ICAM1: variants seen among roughly 807,000 people sequenced by gnomAD.
ICAM1 encodes ICAM-1.
Under a neutral mutation model 42.3 loss-of-function variants are expected in ICAM1, and 28 were observed. The observed-to-expected ratio is 0.66, with a 90% CI of 0.49 to 0.91. ICAM1 has a LOEUF of 0.91. Ranked by LOEUF, ICAM1 falls within the 40% of genes least tolerant of loss-of-function variation. The pLI, the probability that ICAM1 is intolerant of heterozygous loss-of-function variation, is 0.00. For missense variants in ICAM1, 637 were observed against 688.6 expected (o/e 0.93, Z 0.84); for synonymous variants, 304 against 305.9 (o/e 0.99, Z 0.07).
chr19:10,285,283 C>G lies in ICAM1; in HGVS notation c.1595C>G (p.Pro532Arg). 1 of 1,613,808 alleles carries G rather than the reference C, an allele frequency of 6.2e-7. No homozygotes were observed. Among genetic ancestry groups the G allele is most frequent in the Non-Finnish European group, 8.5e-7 (1 of 1,179,784 alleles). ...PMKPNTQATPP is the reference protein window; with the variant it reads ...PMKPNTQATPR ...AAACCGAACACACAAGCCACGCCTC[C>G]CTGAACCTATCCCGGGACAGGGCCT... Residue 532 changes from proline (P) to arginine (R), a missense_variant, in exon 7 of 7, where the codon CCC (proline) becomes CGC (arginine). Coordinates refer to ENST00000264832, the MANE Select transcript of ICAM1 (RefSeq NM_000201.3).
rs2040096678 is a variant in ICAM1 at position 10,285,367 on chromosome 19, T to A, written c.*80T>A. ...GCCACACTGAACAGAGTGGAAGACA[T>A]ATGCCATGCAGCTACACCTACCGGC... On this transcript the variant is annotated 3_prime_UTR_variant, in exon 7 of 7. Transcript: ENST00000264832. The A allele has an allele frequency of 7.2e-7, 1 of 1,387,294 alleles. No homozygotes were observed. 85.9% of individuals were successfully genotyped at this position (1,387,294 alleles called of 1,614,324 possible).
At chr19:10,278,548 C>CTTGTTTTTTTTT (rs2040032361) in intron 2 of ICAM1, among the ~76,000 whole-genome samples, 1 of 41,746 alleles carries the variant, frequency 2.4e-5, no homozygotes. Context: ...CCTGATAGGT[C>CTTGTTTTTTTTT]TTTTTTTTTT....
intron 3 of ICAM1, 83 bp from the exon 4 acceptor site, chr19:10,283,950 T>C: frequency 6.6e-7 from 1 of 1,518,992 alleles, no homozygotes. Flanking sequence ...GAAGAGGATC[T>C]CGCAGGAGGG....
chr19:10,274,643 C>T, intron 1 of ICAM1, 122 bp from the exon 2 acceptor site: 1 of 1,140,138 alleles, frequency 8.8e-7, no homozygotes, highest in Non-Finnish European at 1.2e-6. Context: ...TTAACTTCCA[C>T]ATCGAAGGCA....
chr19:10,276,544 C>CAAAAA (rs71162059), intron 2 of ICAM1, among the ~76,000 whole-genome samples: 16 of 72,812 alleles, frequency 2.2e-4, no homozygotes, highest in East Asian at 5.7e-4. Context: ...GACTCCATCT[C>CAAAAA]AAAAAAAAAA....
At chr19:10,277,719 CT>C (rs2040027581) in intron 2 of ICAM1, among the ~76,000 whole-genome samples, 1 of 152,074 alleles carries the variant, frequency 6.6e-6, no homozygotes, top group African/African-American at 2.4e-5. Context: ...ATCTCCTGAC[CT>C]TGTGATCTGC....
chr19:10,272,934 C>T (rs1172220537), intron 1 of ICAM1, among the ~76,000 whole-genome samples: 1 of 152,098 alleles, frequency 6.6e-6, no homozygotes. Context: ...TACTCACCCA[C>T]CTTACAGATG....
chr19:10,284,319 C>T lies in ICAM1; in HGVS notation c.924C>T (p.Tyr308=). 5.6e-6 allele frequency: 9 copies of T among 1,613,254 alleles called. No individual in the cohort carries two copies. Among genetic ancestry groups the T allele is most frequent in the African/African-American group, 2.7e-5 (2 of 75,032 alleles). The change falls in exon 4 of 7, where the codon TAC becomes TAT. Residue 308 remains tyrosine, a splice_region_variant and synonymous_variant. Coordinates refer to ENST00000264832, the MANE Select transcript of ICAM1 (RefSeq NM_000201.3). The surrounding 1 kb of genome is among the most constrained non-coding windows in gnomAD (Gnocchi z 5.4). ...AGACACTGCAGACAGTGACCATCTA[C>T]AGTAAGAAGGGGCAGGGGCGGAGTG... ...SQETLQTVTI[Y]SFPAPNVILT...
intron 3 of ICAM1, 83 bp downstream of exon 3, chr19:10,283,869 G>A (rs1023043439): frequency 7.5e-6 from 11 of 1,466,938 alleles, no homozygotes; most frequent in Non-Finnish European, 1.0e-5. Context: ...GATCTTTTGA[G>A]ATGGGTGTGG....
chr19:10,274,858 A>G lies in ICAM1; in HGVS notation c.161A>G (p.Gln54Arg), dbSNP rs200970471. Residue 54 changes from glutamine to arginine, a missense_variant, in exon 2 of 7, where the codon CAG (glutamine) becomes CGG (arginine). By Grantham distance (43) the Gln-to-Arg change is conservative. Transcript: ENST00000264832. ...VLVTCSTSCDQPKLLGIETPL... is the reference protein window; with the variant it reads ...VLVTCSTSCDRPKLLGIETPL... ...GTGACATGCAGCACCTCCTGTGACC[A>G]GCCCAAGTTGTTGGGCATAGAGACC... 29 of 1,614,234 alleles carry G rather than the reference A, an allele frequency of 1.8e-5. No individual in the cohort carries two copies. Among genetic ancestry groups the G allele is most frequent in the Non-Finnish European group, 3.4e-6 (4 of 1,180,042 alleles).
rs1287700965 is a variant in ICAM1, at chr19:10,284,337, G to A, written c.925+17G>A. On this transcript the variant is annotated intron_variant, in intron 4 of 6. Transcript: ENST00000264832. This position sits in a 1 kb window ranked among gnomAD's most constrained non-coding sequence, Gnocchi z 5.4. The stretch of plus-strand genomic sequence containing the variant: ...CCATCTACAGTAAGAAGGGGCAGGG[G>A]CGGAGTGGGGCTTCTTGGGGGTGTG... The A allele has an allele frequency of 3.1e-6, 5 of 1,612,190 alleles. No individual in the cohort carries two copies. Among genetic ancestry groups the A allele is most frequent in the Non-Finnish European group, 4.2e-6 (5 of 1,179,574 alleles).
intron 3 of ICAM1, 110 bp downstream of exon 3, chr19:10,283,896 C>A: frequency 7.0e-7 from 1 of 1,432,306 alleles, no homozygotes; most frequent in Non-Finnish European, 9.5e-7. Flanking sequence ...CTAAGGGGTG[C>A]ATGTGTTCTA....
At chr19:10,282,235 C>CCATTCATT (rs549971450) in intron 2 of ICAM1, 1 of 151,882 alleles carries the variant, frequency 6.6e-6, no homozygotes, top group African/African-American at 2.4e-5. Flanking sequence ...ACCCAGTTAA[C>CCATTCATT]CATTCATTCA....
At position 10,283,746 on chromosome 19, in the gene ICAM1, G is replaced by C. The variant is rs772198909; in HGVS notation, c.597G>C (p.Leu199=). The C allele has an allele frequency of 6.2e-7, 1 of 1,612,476 alleles. No homozygotes were observed. The highest frequency in any genetic ancestry group is 8.5e-7 in the Non-Finnish European group (1 of 1,179,258). ...ELDLRPQGLE[L]FENTSAPYQL... The stretch of plus-strand genomic sequence containing the variant: ...ACCTGCGGCCCCAAGGGCTGGAGCT[G>C]TTTGAGAACACCTCGGCCCCCTACC... Residue 199 remains leucine (L), a synonymous_variant, in exon 3 of 7, where the codon CTG becomes CTC. Coordinates refer to ENST00000264832, the MANE Select transcript of ICAM1 (RefSeq NM_000201.3).
Position 10,285,410 on chromosome 19 carries a change from C to A in ICAM1, c.*123C>A. The A allele has an allele frequency of 1.1e-6, 1 of 886,356 alleles. No individual in the cohort carries two copies. The highest frequency in any genetic ancestry group is 1.7e-6 in the Non-Finnish European group (1 of 578,772). 54.9% of individuals were successfully genotyped at this position (886,356 alleles called of 1,614,324 possible). On this transcript the variant is annotated 3_prime_UTR_variant, in exon 7 of 7. Transcript: ENST00000264832. Reference sequence around the variant, plus strand: ...CTACCGGCCCTGGGACGCCGGAGGACAGGGCATTGTCCTCAGTCAGATACA... The same window carrying A: ...CTACCGGCCCTGGGACGCCGGAGGAAAGGGCATTGTCCTCAGTCAGATACA...
At chr19:10,275,544 A>G (rs554467722) in intron 2 of ICAM1, among the ~76,000 whole-genome samples, 2 of 152,166 alleles carry the variant, frequency 1.3e-5, no homozygotes, top group Admixed American at 1.3e-4. Context: ...TGAACATATG[A>G]CACGGTCCTG....
intron 1 of ICAM1, among the ~76,000 whole-genome samples, chr19:10,271,704 C>T (rs1005894333): frequency 6.6e-6 from 1 of 152,198 alleles, no homozygotes; most frequent in Non-Finnish European, 1.5e-5. Context: ...GGGAACTTGG[C>T]TCTGTGCCAA....
At position 10,284,369 on chromosome 19, in the gene ICAM1, AC is replaced by A; in HGVS notation, c.926-31del. The A allele has an allele frequency of 6.2e-7, 1 of 1,611,406 alleles. No individual in the cohort carries two copies. ...GGGGCTTCTTGGGGGTGTGACCTGA[AC>A]CCGGGGCGGGGCTCACTGTGTGCCT... On this transcript the variant is annotated intron_variant, in intron 4 of 6. Coordinates refer to ENST00000264832, the MANE Select transcript of ICAM1 (RefSeq NM_000201.3). This position sits in a 1 kb window ranked among gnomAD's most constrained non-coding sequence, Gnocchi z 5.4.
At position 10,285,267 on chromosome 19, in the gene ICAM1, A is replaced by C; in HGVS notation, c.1579A>C (p.Thr527Pro). 1 of 1,613,964 alleles carries C rather than the reference A, an allele frequency of 6.2e-7. No individual in the cohort carries two copies. Among genetic ancestry groups the C allele is most frequent in the Non-Finnish European group, 8.5e-7 (1 of 1,179,938 alleles). ...AAAAGGGACCCCCATGAAACCGAAC[A>C]CACAAGCCACGCCTCCCTGAACCTA... ...AQKGTPMKPNTQATPP is the reference protein window; with the variant it reads ...AQKGTPMKPNPQATPP The change falls in exon 7 of 7, where the codon ACA becomes CCA. Residue 527 changes from threonine (T) to proline (P), a missense_variant. Coordinates refer to ENST00000264832, the MANE Select transcript of ICAM1 (RefSeq NM_000201.3).
Sources: gnomAD v4.1 joint callset for allele counts (sites outside exome capture counted in the v4.1 genomes callset) on GRCh38, gnomAD v4.1.1 for gene constraint, Gnocchi (gnomAD v3.1) non-coding constraint, MANE v1.5 for transcripts, NCBI Gene and HGNC (gene_info 2026-07-23, HGNC 2026-07-21) for gene names.